NCOA3: variants seen among roughly 807,000 people sequenced by gnomAD.
NCOA3 encodes CBP-interacting protein.
A neutral mutation model predicts 158.8 loss-of-function variants in NCOA3; 51 were observed. The ratio of observed to expected loss-of-function variants is 0.32; its 90% confidence interval spans 0.26 to 0.41. NCOA3 has a LOEUF of 0.41. Among genes scored for constraint, NCOA3 ranks in the 10% least tolerant of loss-of-function variants. The probability of loss-of-function intolerance (pLI) is 1.00; values close to 1 mark genes in which losing one functional copy is unlikely to be tolerated. For missense variants in NCOA3, 1,510 were observed against 1,746.6 expected, an observed-to-expected ratio of 0.86 and a Z score of 2.41; for synonymous variants, 537 against 592.4, an observed-to-expected ratio of 0.91 and a Z score of 1.36.
chr20:47,645,801 A>G (rs1479539126), intron 17 of NCOA3, among the ~76,000 whole-genome samples: 2 of 152,172 alleles, frequency 1.3e-5, no homozygotes, highest in African/African-American at 2.4e-5. Flanking sequence ...ACCCAAGTTG[A>G]TGGGACAAAA....
chr20:47,550,213 G>T (rs1463748403), intron 1 of NCOA3, among the ~76,000 whole-genome samples: 2 of 151,540 alleles, frequency 1.3e-5, no homozygotes, highest in African/African-American at 2.4e-5. Context: ...GGGAGGCCGA[G>T]GTGGGCAAAT....
intron 1 of NCOA3, among the ~76,000 whole-genome samples, chr20:47,542,028 T>TTTTTTGTTGTTGTTG (rs563096988): frequency 2.4e-5 from 2 of 81,716 alleles, no homozygotes; most frequent in Non-Finnish European, 5.1e-5. Context: ...TTTTTTTTTT[T>TTTTTTGTTGTTGTTG]TTGTTGTTGT....
chr20:47,555,855 G>A (rs529805909), intron 1 of NCOA3, among the ~76,000 whole-genome samples: 138 of 150,496 alleles, frequency 9.2e-4, no homozygotes, highest in Non-Finnish European at 1.5e-3. Context: ...TGTTAGCCAG[G>A]ATGGTCTCGA....
chr20:47,521,194 C>G (rs1340395417), intron 1 of NCOA3, among the ~76,000 whole-genome samples: 1 of 152,192 alleles, frequency 6.6e-6, no homozygotes, highest in African/African-American at 2.4e-5. Context: ...CCTGATTTGT[C>G]ACCCCTGAGG....
intron 2 of NCOA3, among the ~76,000 whole-genome samples, chr20:47,593,290 T>C (rs1166953638): frequency 6.7e-6 from 1 of 150,072 alleles, no homozygotes; most frequent in African/African-American, 2.5e-5. Flanking sequence ...TCATTCATTG[T>C]CTCGGAAATT....
intron 1 of NCOA3, among the ~76,000 whole-genome samples, chr20:47,581,532 G>T (rs2085452566): frequency 6.6e-6 from 1 of 152,126 alleles, no homozygotes; most frequent in Non-Finnish European, 1.5e-5. Flanking sequence ...TAATATGTTT[G>T]TTACTTGTAA....
intron 1 of NCOA3, among the ~76,000 whole-genome samples, chr20:47,572,515 C>T (rs1444154523): frequency 1.3e-5 from 2 of 151,804 alleles, no homozygotes; most frequent in African/African-American, 2.4e-5. Context: ...CCTCACTAAG[C>T]TTAATCATTT....
intron 1 of NCOA3, among the ~76,000 whole-genome samples, chr20:47,559,627 T>A (rs762768711): frequency 2.3e-4 from 35 of 151,940 alleles, no homozygotes; most frequent in Non-Finnish European, 4.0e-4. Context: ...ACCTCTGTAA[T>A]CCCAGCACTT....
At chr20:47,653,188 A>C in intron 22 of NCOA3, 116 bp downstream of exon 22, 1 of 1,311,312 alleles carries the variant, frequency 7.6e-7, no homozygotes, top group South Asian at 1.5e-5. Flanking sequence ...TGTATAACTT[A>C]AAATATAGTA....
chr20:47,616,320 A>C (rs916456039), intron 2 of NCOA3, among the ~76,000 whole-genome samples: 50 of 151,394 alleles, frequency 3.3e-4, no homozygotes, highest in African/African-American at 1.2e-3. Context: ...CAGTCCCCCA[A>C]GTAGCTGGGA....
intron 1 of NCOA3, among the ~76,000 whole-genome samples, chr20:47,560,324 G>A (rs576177267): frequency 2.0e-5 from 3 of 152,280 alleles, no homozygotes; most frequent in East Asian, 3.9e-4. Flanking sequence ...TGATTTGCCC[G>A]CCTTGTCTTC....
intron 1 of NCOA3, among the ~76,000 whole-genome samples, chr20:47,531,467 ATATC>A (rs2084546378): frequency 6.6e-6 from 1 of 152,348 alleles, no homozygotes; most frequent in Admixed American, 6.5e-5. Context: ...TGTATTACAG[ATATC>A]TTTCTGTGTT....
chr20:47,558,232 ATTT>A (rs71183263), intron 1 of NCOA3, among the ~76,000 whole-genome samples: 13 of 55,526 alleles, frequency 2.3e-4, no homozygotes, highest in Non-Finnish European at 3.4e-4. Flanking sequence ...CTAATTTTGT[ATTT>A]TTTTTTTTTT....
At chr20:47,612,260 G>GT (rs1460916363) in intron 2 of NCOA3, among the ~76,000 whole-genome samples, 1 of 151,802 alleles carries the variant, frequency 6.6e-6, no homozygotes, top group African/African-American at 2.4e-5. Flanking sequence ...AATGGTGGTA[G>GT]TTAAAAAAAA....
At chr20:47,505,581 T>C (rs934957956) in intron 1 of NCOA3, among the ~76,000 whole-genome samples, 51 of 152,162 alleles carry the variant, frequency 3.4e-4, no homozygotes, top group African/African-American at 1.2e-3. Flanking sequence ...AGATTACCTG[T>C]AGCAGTTTGG....
chr20:47,505,358 C>T (rs2084015768), intron 1 of NCOA3, among the ~76,000 whole-genome samples: 1 of 152,152 alleles, frequency 6.6e-6, no homozygotes, highest in East Asian at 1.9e-4. Flanking sequence ...TCACGCCAGC[C>T]TGCATTTTTT....
chr20:47,570,718 C>G (rs1202224403), intron 1 of NCOA3, among the ~76,000 whole-genome samples: 2 of 151,990 alleles, frequency 1.3e-5, no homozygotes, highest in Admixed American at 1.3e-4. Context: ...CAGAAAGATT[C>G]ACTTTGCCCA....
chr20:47,557,325 G>A (rs2085022744), intron 1 of NCOA3, among the ~76,000 whole-genome samples: 1 of 152,198 alleles, frequency 6.6e-6, no homozygotes, highest in South Asian at 2.1e-4. Context: ...TGCCCACCAT[G>A]TGTTAGGAAT....
At chr20:47,510,761 G>A (rs992645674) in intron 1 of NCOA3, among the ~76,000 whole-genome samples, 7 of 151,948 alleles carry the variant, frequency 4.6e-5, no homozygotes, top group African/African-American at 1.7e-4. Flanking sequence ...CCTGGCTGAT[G>A]TTTTTAAGTT....
Sources: gnomAD v4.1 joint callset for allele counts (sites outside exome capture counted in the v4.1 genomes callset) on GRCh38, gnomAD v4.1.1 for gene constraint, MANE v1.5 for transcripts, NCBI Gene and HGNC (gene_info 2026-07-23, HGNC 2026-07-21) for gene names.